Variants in CNTN3 observed in about 807,000 individuals in gnomAD.
CNTN3 encodes the protein contactin-3.
CNTN3 carries 60 observed loss-of-function variants against 119.1 expected under a neutral mutation model. That is an observed-to-expected ratio of 0.50 (90% CI 0.41 to 0.62). The LOEUF (loss-of-function observed/expected upper bound fraction) is 0.62. CNTN3 is among the 20% of genes least tolerant of loss of function. The pLI, the probability that CNTN3 is intolerant of heterozygous loss-of-function variation, is 0.00. For missense variants in CNTN3, 1,101 were observed against 1,242.4 expected, an observed-to-expected ratio of 0.89 and a Z score of 1.71; for synonymous variants, 450 against 438.7, an observed-to-expected ratio of 1.03 and a Z score of -0.32.
At chr3:74,272,757 T>G (rs1701803673) in intron 20 of CNTN3, among the ~76,000 whole-genome samples, 1 of 152,140 alleles carries the variant, frequency 6.6e-6, no homozygotes. Context: ...TAATATCCCC[T>G]CTATACTAAC....
chr3:74,397,508 TTCTCTCTCTC>T (rs71129743), intron 5 of CNTN3, among the ~76,000 whole-genome samples: 38 of 150,038 alleles, frequency 2.5e-4, no homozygotes, highest in Non-Finnish European at 3.3e-4. Context: ...CCAACTGGTG[TTCTCTCTCTC>T]TCTCTCTCTC....
intron 1 of CNTN3, among the ~76,000 whole-genome samples, chr3:74,612,362 G>A (rs555330107): frequency 6.6e-6 from 1 of 152,206 alleles, no homozygotes; most frequent in Admixed American, 6.5e-5. Flanking sequence ...AAAGTGCTCA[G>A]CACTTTGCTC....
chr3:74,400,590 T>C (rs974552254), intron 5 of CNTN3, among the ~76,000 whole-genome samples: 1 of 152,132 alleles, frequency 6.6e-6, no homozygotes, highest in African/African-American at 2.4e-5. Flanking sequence ...GGTTTAAGAG[T>C]GTAATTGTGA....
At chr3:74,543,023 G>C (rs1206496447) in intron 1 of CNTN3, among the ~76,000 whole-genome samples, 1 of 152,054 alleles carries the variant, frequency 6.6e-6, no homozygotes, top group African/African-American at 2.4e-5. Context: ...AGCTACTTGG[G>C]AGGCTGAGGT....
intron 4 of CNTN3, among the ~76,000 whole-genome samples, chr3:74,449,526 C>A (rs1305819153): frequency 1.3e-5 from 2 of 152,008 alleles, no homozygotes; most frequent in Non-Finnish European, 2.9e-5. Flanking sequence ...AATTCTGATT[C>A]TGTAGTTAGG....
intron 4 of CNTN3, among the ~76,000 whole-genome samples, chr3:74,438,011 G>A (rs973943051): frequency 6.6e-6 from 1 of 152,134 alleles, no homozygotes; most frequent in Non-Finnish European, 1.5e-5. Context: ...ATGCCATAGA[G>A]GAGTTTTAAC....
chr3:74,334,845 G>C lies in CNTN3; in HGVS notation c.1558C>G (p.Pro520Ala). Reference sequence around the variant, plus strand: ...AGCGGGTCATGTTGTACCTGGCAGGGCAATATGACGCTTTCACCAACAGAA... The same window carrying C: ...AGCGGGTCATGTTGTACCTGGCAGGCCAATATGACGCTTTCACCAACAGAA... Reference protein sequence around the residue: ...DVSVGESVILPCQVQHDPLLD... With the variant: ...DVSVGESVILACQVQHDPLLD... Residue 520 changes from proline to alanine, a missense_variant, in exon 13 of 23, where the codon CCC (proline) becomes GCC (alanine). Pro to Ala is a conservative substitution (Grantham distance 27). Coordinates refer to ENST00000263665, the MANE Select transcript of CNTN3 (RefSeq NM_020872.3). 2 of 1,613,318 alleles carry C rather than the reference G, an allele frequency of 1.2e-6. No individual in the cohort carries two copies. The highest frequency in any genetic ancestry group is 1.7e-6 in the Non-Finnish European group (2 of 1,179,462).
intron 1 of CNTN3, among the ~76,000 whole-genome samples, chr3:74,609,932 A>C (rs1705052576): frequency 6.6e-6 from 1 of 152,198 alleles, no homozygotes; most frequent in African/African-American, 2.4e-5. Context: ...GAAAGAGCCT[A>C]TCAGAAGTGC....
chr3:74,589,178 A>C lies in CNTN3; in HGVS notation c.-81+25213T>G, dbSNP rs1200820852. ...ATCAGAGTGAACAGGCAACCTACAA[A>C]ATGGGAGAAAATTTTTGTGACCTAC... On this transcript the variant is annotated intron_variant, in intron 1 of 22. Transcript: ENST00000263665. Among the ~76,000 whole-genome samples the C allele has an allele frequency of 5.3e-5, 8 of 152,196 alleles. 1 individual carries two copies. The highest frequency in any genetic ancestry group is 2.1e-4 in the South Asian group (1 of 4,812).
intron 1 of CNTN3, among the ~76,000 whole-genome samples, chr3:74,567,299 C>T (rs1289304219): frequency 6.8e-6 from 1 of 147,020 alleles, no homozygotes; most frequent in Non-Finnish European, 1.5e-5. Context: ...TGCCGCTATA[C>T]TCAACAAATT....
In CNTN3 at chr3:74,552,906, T is replaced by C. The variant is rs1704012619; in HGVS notation, c.-80-31714A>G. 2.6e-5 allele frequency among the ~76,000 whole-genome samples: 4 copies of C among 152,286 alleles called. No homozygotes were observed. The South Asian group carries it at 6.2e-4, about 24-fold the overall frequency. On this transcript the variant is annotated intron_variant, in intron 1 of 22. Transcript: ENST00000263665. ...AAGTTTCCTGAGTCCCCCCAGGCCA[T>C]GCAGAACTGTGAGTCAATTAAACCT...
At chr3:74,366,630 G>C (rs1021753475) in intron 8 of CNTN3, among the ~76,000 whole-genome samples, 1 of 151,324 alleles carries the variant, frequency 6.6e-6, no homozygotes, top group Non-Finnish European at 1.5e-5. Context: ...CTGCAACCAT[G>C]GGAAGATTTG....
At chr3:74,327,600 A>G (rs963104594) in intron 13 of CNTN3, among the ~76,000 whole-genome samples, 1 of 152,098 alleles carries the variant, frequency 6.6e-6, no homozygotes, top group Non-Finnish European at 1.5e-5. Context: ...CACACTTTTA[A>G]TGTTGTCAAA....
At chr3:74,413,169 A>G (rs1374663056) in intron 5 of CNTN3, among the ~76,000 whole-genome samples, 2 of 152,190 alleles carry the variant, frequency 1.3e-5, no homozygotes, top group Non-Finnish European at 1.5e-5. Flanking sequence ...TCTCTGTGTC[A>G]TGAAAATGAC....
intron 20 of CNTN3, among the ~76,000 whole-genome samples, chr3:74,282,692 A>G (rs1190995731): frequency 6.7e-6 from 1 of 149,328 alleles, no homozygotes; most frequent in African/African-American, 2.5e-5. Flanking sequence ...CCAAAATTTT[A>G]AATAGGATTT....
chr3:74,301,182 T>C (rs181410505), intron 16 of CNTN3, among the ~76,000 whole-genome samples: 98 of 152,324 alleles, frequency 6.4e-4, no homozygotes, highest in Admixed American at 1.6e-3. Flanking sequence ...TCATTTACAA[T>C]GGACTGAACT....
intron 1 of CNTN3, among the ~76,000 whole-genome samples, chr3:74,538,907 A>G (rs576622669): frequency 6.6e-6 from 1 of 152,204 alleles, no homozygotes; most frequent in Non-Finnish European, 1.5e-5. Flanking sequence ...AGCTGTGCCA[A>G]TTATGCACAG....
chr3:74,290,935 A>T (rs974135889), intron 19 of CNTN3, among the ~76,000 whole-genome samples: 1 of 152,030 alleles, frequency 6.6e-6, no homozygotes, highest in Non-Finnish European at 1.5e-5. Context: ...GTTCGAGGGT[A>T]CATGTGAACA....
At chr3:74,434,977 C>A (rs977075216) in intron 4 of CNTN3, among the ~76,000 whole-genome samples, 7 of 152,112 alleles carry the variant, frequency 4.6e-5, no homozygotes, top group Admixed American at 4.6e-4. Context: ...CTTGGTGTTT[C>A]CTCTAATACA....
Sources: allele counts gnomAD v4.1 joint callset (sites outside exome capture counted in the v4.1 genomes callset), GRCh38; gene constraint gnomAD v4.1.1; transcripts MANE v1.5; gene names NCBI Gene and HGNC (gene_info 2026-07-23, HGNC 2026-07-21).